Variants in POU6F1 observed in about 807,000 individuals in gnomAD.
POU6F1 encodes POU class 6 homeobox 1.
POU6F1 carries 9 observed loss-of-function variants against 28.9 expected under a neutral mutation model. The observed-to-expected ratio is 0.31, with a 90% CI of 0.19 to 0.54. The LOEUF (loss-of-function observed/expected upper bound fraction) is 0.54. Ranked by LOEUF, POU6F1 falls within the 20% of genes least tolerant of loss-of-function variation. The pLI is 0.94. For synonymous variants in POU6F1, 173 were observed against 171.1 expected (o/e 1.01, Z -0.09); for missense variants, 338 against 426.1 (o/e 0.79, Z 1.82).
In POU6F1 at chr12:51,198,681, G is replaced by A; in HGVS notation, c.461C>T (p.Ala154Val). The change falls in exon 5 of 11, where the codon GCA becomes GTA. Residue 154 changes from alanine (A) to valine (V), a missense_variant. Coordinates refer to ENST00000333640, the MANE Select transcript of POU6F1 (RefSeq NM_001330422.2). ...CCCCTGCTGACCAGCCACTTGACCT[G>A]CAATACTGATGGGGATAAGAAGAGG... ...TQPLLIPISI[A>V]GQVAGQQGLA... The A allele has an allele frequency of 2.5e-6, 1 of 399,354 alleles. No individual in the cohort carries two copies. Among genetic ancestry groups the A allele is most frequent in the Non-Finnish European group, 4.4e-6 (1 of 226,250 alleles). 24.7% of individuals were successfully genotyped at this position (399,354 alleles called of 1,614,324 possible). A position where few individuals can be genotyped will look rare whatever the true frequency, so the allele number is the denominator to read the frequency against.
chr12:51,206,633 C>T (rs988501831), intron 2 of POU6F1, among the ~76,000 whole-genome samples, 156 bp downstream of exon 2: 8 of 152,112 alleles, frequency 5.3e-5, no homozygotes, highest in African/African-American at 1.7e-4. Flanking sequence ...AACCCAGGCC[C>T]TGAGAAATCC....
At chr12:51,205,107 C>T (rs1157946478) in intron 2 of POU6F1, among the ~76,000 whole-genome samples, 4 of 147,934 alleles carry the variant, frequency 2.7e-5, no homozygotes, top group Admixed American at 6.8e-5. Context: ...GGCGCAATCT[C>T]GGCTCACTGC....
intron 8 of POU6F1, among the ~76,000 whole-genome samples, chr12:51,194,633 C>T (rs1029501838): frequency 6.9e-6 from 1 of 145,858 alleles, no homozygotes; most frequent in African/African-American, 2.6e-5. Flanking sequence ...GAGCAAGACC[C>T]TGGTCTCAAA....
At chr12:51,211,702 G>A (rs994837242) in intron 1 of POU6F1, among the ~76,000 whole-genome samples, 5 of 152,136 alleles carry the variant, frequency 3.3e-5, no homozygotes, top group Non-Finnish European at 4.4e-5. Flanking sequence ...GCAGTGAGTC[G>A]TGATCACGCC....
intron 1 of POU6F1, among the ~76,000 whole-genome samples, chr12:51,211,171 C>T (rs1336249488): frequency 6.6e-6 from 1 of 152,210 alleles, no homozygotes; most frequent in African/African-American, 2.4e-5. Context: ...GCAGTGCCCA[C>T]AGCCTGAAGG....
chr12:51,196,068 C>A lies in POU6F1; in HGVS notation c.1081G>T (p.Ala361Ser), dbSNP rs147582637. 2 of 1,607,330 alleles carry A rather than the reference C, an allele frequency of 1.2e-6. No homozygotes were observed. Among genetic ancestry groups the A allele is most frequent in the Admixed American group, 1.7e-5 (1 of 59,324 alleles). ...QAVTPQLLLN[A>S]QGQVIATLAS... ...AGGGTCGCAATCACCTGGCCCTGGGCGTTCAACAACAGCTGGGGGGTCACG... is the reference window on the plus strand; with the variant it reads ...AGGGTCGCAATCACCTGGCCCTGGGAGTTCAACAACAGCTGGGGGGTCACG... The change falls in exon 8 of 11, where the codon GCC becomes TCC. Residue 361 changes from alanine to serine, a missense_variant. Coordinates refer to ENST00000333640, the MANE Select transcript of POU6F1 (RefSeq NM_001330422.2).
chr12:51,201,143 A>G (rs2137154437), intron 3 of POU6F1, among the ~76,000 whole-genome samples: 1 of 152,332 alleles, frequency 6.6e-6, no homozygotes, highest in Non-Finnish European at 1.5e-5. Context: ...AGTGGGAACC[A>G]CTGAATCAGA....
intron 1 of POU6F1, among the ~76,000 whole-genome samples, chr12:51,215,555 C>CAAAAAAA (rs11415220): frequency 2.3e-5 from 2 of 88,610 alleles, no homozygotes; most frequent in East Asian, 3.3e-4. Flanking sequence ...AACCCTGTCT[C>CAAAAAAA]AAAAAAAAAA....
Position 51,198,551 on chromosome 12 carries a change from T to C in POU6F1, c.591A>G (p.Gln197=). The C allele has an allele frequency of 2.5e-6, 1 of 399,354 alleles. No homozygotes were observed. Among genetic ancestry groups the C allele is most frequent in the Non-Finnish European group, 4.4e-6 (1 of 226,390 alleles). The allele number at this position is 399,354 out of a possible 1,614,324, so 24.7% of individuals were successfully genotyped here. The stretch of plus-strand genomic sequence containing the variant: ...AGTCCTGGGAAGAGTTGCCGTTACC[T>C]TGGAGACCGGCTAAAGGTGGCTTGA... ...GVFKPPLAGL[Q]AAAVLNTALP... is the part of the protein sequence containing the mutation. Residue 197 remains glutamine, a splice_region_variant and synonymous_variant, in exon 5 of 11, where the codon CAA becomes CAG. Transcript: ENST00000333640.
chr12:51,197,838 G>A lies in POU6F1; in HGVS notation c.778C>T (p.Pro260Ser). The part of the protein sequence containing the change: ...PTAATAAAPT[P>S]KPVDTPPQIT... Reference sequence around the variant, plus strand: ...TGTGGGGGGGTGTCCACTGGCTTGGGGGTAGGGGCAGCAGCGGTGGCAGCA... The same window carrying A: ...TGTGGGGGGGTGTCCACTGGCTTGGAGGTAGGGGCAGCAGCGGTGGCAGCA... The change falls in exon 6 of 11, where the codon CCC becomes TCC. Residue 260 changes from proline to serine, a missense_variant. Coordinates refer to ENST00000333640, the MANE Select transcript of POU6F1 (RefSeq NM_001330422.2). 2.5e-6 allele frequency: 1 copy of A among 403,412 alleles called. No homozygotes were observed. Among genetic ancestry groups the A allele is most frequent in the Non-Finnish European group, 4.4e-6 (1 of 228,840 alleles). 25.0% of individuals were successfully genotyped at this position (403,412 alleles called of 1,614,324 possible).
chr12:51,190,425 G>A lies in POU6F1; in HGVS notation c.1658C>T (p.Pro553Leu). 6.2e-7 allele frequency: 1 copy of A among 1,614,170 alleles called. No individual in the cohort carries two copies. The highest frequency in any genetic ancestry group is 8.5e-7 in the Non-Finnish European group (1 of 1,180,040). ...GGCATTGAGAGCCTCTATGGCCTGG[G>A]GGGTGAAGGAGGTGCGGCGTTTGCG... ...KKRKRRTSFT[P>L]QAIEALNAYF... The change falls in exon 11 of 11, where the codon CCC becomes CTC. Residue 553 changes from proline to leucine, a missense_variant. Pro to Leu is a moderately conservative substitution (Grantham distance 98). Coordinates refer to ENST00000333640, the MANE Select transcript of POU6F1 (RefSeq NM_001330422.2). The surrounding 1 kb of genome is among the most constrained non-coding windows in gnomAD (Gnocchi z 4.5).
intron 3 of POU6F1, among the ~76,000 whole-genome samples, chr12:51,203,668 A>AC (rs1943374698): frequency 1.3e-5 from 2 of 151,374 alleles, no homozygotes; most frequent in Non-Finnish European, 2.9e-5. Flanking sequence ...TTCTTGGCCC[A>AC]CCCCCACCAG....
intron 1 of POU6F1, 180 bp from the exon 2 acceptor site, chr12:51,207,063 G>C (rs564519932): frequency 7.4e-5 from 24 of 324,078 alleles, no homozygotes; most frequent in Admixed American, 7.4e-4. Context: ...TCACTCTGTC[G>C]CCCAGGCTGG....
chr12:51,188,817 A>AC lies in POU6F1; in HGVS notation c.*1429dup, dbSNP rs1236125611. ...AGAGTACTGAAGACAGGGGTGGTTG[A>AC]CCCCCGTGACTTGGGGCCCTTTAGG... On this transcript the variant is annotated 3_prime_UTR_variant, in exon 11 of 11. Coordinates refer to ENST00000333640, the MANE Select transcript of POU6F1 (RefSeq NM_001330422.2). 1.3e-5 allele frequency: 2 copies of AC among 151,236 alleles called. No homozygotes were observed. Among genetic ancestry groups the AC allele is most frequent in the South Asian group, 2.1e-4 (1 of 4,752 alleles). 9.4% of individuals were successfully genotyped at this position (151,236 alleles called of 1,614,324 possible).
At chr12:51,207,000 G>C (rs1943668808) in intron 1 of POU6F1, 117 bp from the exon 2 acceptor site, 1 of 361,576 alleles carries the variant, frequency 2.8e-6, no homozygotes, top group Non-Finnish European at 4.9e-6. Flanking sequence ...GTTCTCCCAA[G>C]TATCTGTAGA....
In POU6F1 at chr12:51,189,374, T is replaced by C. The variant is rs1422589290; in HGVS notation, c.*873A>G. On this transcript the variant is annotated 3_prime_UTR_variant, in exon 11 of 11. Transcript: ENST00000333640. ...CCAGAGTTGCCCGTTTGCTTGCATA[T>C]CCAGTCTGCAAGTTCTCTTAACCCA... The C allele has an allele frequency of 1.3e-5, 2 of 152,158 alleles. No homozygotes were observed. The highest frequency in any genetic ancestry group is 2.9e-5 in the Non-Finnish European group (2 of 68,036). 9.4% of individuals were successfully genotyped at this position (152,158 alleles called of 1,614,324 possible).
Position 51,196,093 on chromosome 12 carries a change from G to T in POU6F1, c.1056C>A (p.Ala352=), listed in dbSNP as rs766065331. The T allele has an allele frequency of 8.1e-6, 13 of 1,602,572 alleles. 1 individual carries two copies. Among genetic ancestry groups the T allele is most frequent in the Non-Finnish European group, 1.0e-5 (12 of 1,175,172 alleles). ...PAPAQSLQVQ[A]VTPQLLLNAQ... is the part of the protein sequence containing the mutation. ...CGTTCAACAACAGCTGGGGGGTCAC[G>T]GCCTGGACCTGCAGGCTTTGGGCTG... Residue 352 remains alanine (A), a synonymous_variant, in exon 8 of 11, where the codon GCC becomes GCA. Transcript: ENST00000333640.
chr12:51,188,032 A>G lies in POU6F1; in HGVS notation c.*2215T>C, dbSNP rs1362508831. 1 of 152,180 alleles carries G rather than the reference A, an allele frequency of 6.6e-6. No individual in the cohort carries two copies. Among genetic ancestry groups the G allele is most frequent in the Admixed American group, 6.5e-5 (1 of 15,274 alleles). The allele number at this position is 152,180 out of a possible 1,614,324, so 9.4% of individuals were successfully genotyped here. A position where few individuals can be genotyped will look rare whatever the true frequency, so the allele number is the denominator to read the frequency against. Reference sequence around the variant, plus strand: ...CATTGCAACCTCCAGGGTTCAAGCAATTCTCCTGCCTCCACCTCCCAAGTA... The same window carrying G: ...CATTGCAACCTCCAGGGTTCAAGCAGTTCTCCTGCCTCCACCTCCCAAGTA... On this transcript the variant is annotated 3_prime_UTR_variant, in exon 11 of 11. Coordinates refer to ENST00000333640, the MANE Select transcript of POU6F1 (RefSeq NM_001330422.2).
intron 1 of POU6F1, among the ~76,000 whole-genome samples, chr12:51,212,095 T>C (rs896772902): frequency 6.6e-6 from 1 of 151,894 alleles, no homozygotes; most frequent in Non-Finnish European, 1.5e-5. Context: ...TTTGTTTGTT[T>C]GTTTGTTTGT....
Sources: allele counts gnomAD v4.1 joint callset (sites outside exome capture counted in the v4.1 genomes callset), GRCh38; gene constraint gnomAD v4.1.1; non-coding constraint Gnocchi (gnomAD v3.1); transcripts MANE v1.5; gene names NCBI Gene and HGNC (gene_info 2026-07-23, HGNC 2026-07-21).